ZNF675: variants seen among roughly 807,000 people sequenced by gnomAD.
ZNF675 encodes TRAF6 inhibitory zinc finger.
A neutral mutation model predicts 56.1 loss-of-function variants in ZNF675; 36 were observed. The ratio of observed to expected loss-of-function variants is 0.64; its 90% confidence interval spans 0.49 to 0.85. The LOEUF (loss-of-function observed/expected upper bound fraction) is 0.85. ZNF675 is among the 40% of genes least tolerant of loss of function. ZNF675 has a pLI of 0.00. For synonymous variants in ZNF675, 200 were observed against 218.9 expected (o/e 0.91, Z 0.76); for missense variants, 663 against 654.2 (o/e 1.01, Z -0.15).
At position 23,654,580 on chromosome 19, in the gene ZNF675, C is replaced by A; in HGVS notation, c.353G>T (p.Ser118Ile). ...NDNFQLKGCK[S>I]VDECKLHKGG... ...CTTGTGCAACTTACATTCATCCACACTTTTACAGCCTTTTAACTGAAAATT... is the reference window on the plus strand; with the variant it reads ...CTTGTGCAACTTACATTCATCCACAATTTTACAGCCTTTTAACTGAAAATT... The change falls in exon 4 of 4, where the codon AGT becomes ATT. Residue 118 changes from serine (S) to isoleucine (I), a missense_variant. Physicochemically the swap from Ser to Ile is moderately radical, Grantham distance 142. Transcript: ENST00000359788. 6.2e-7 allele frequency: 1 copy of A among 1,611,948 alleles called. No homozygotes were observed. The highest frequency in any genetic ancestry group is 8.5e-7 in the Non-Finnish European group (1 of 1,179,050).
At chr19:23,656,951 T>C (rs1290228111) in intron 3 of ZNF675, 1 of 152,188 alleles carries the variant, frequency 6.6e-6, no homozygotes, top group Non-Finnish European at 1.5e-5. Context: ...TACAGTTTTT[T>C]TGAGACAGGT....
rs377664902 is a variant in ZNF675 at position 23,683,991 on chromosome 19, G to A, written c.3+3040C>T. ...AAACTAAAGTCACTGACTGGGCGTG[G>A]TGGCTCACGCCTGTAATCCCAGCAC... On this transcript the variant is annotated intron_variant, in intron 1 of 3. Transcript: ENST00000359788. Among the ~76,000 whole-genome samples the A allele has an allele frequency of 7.4e-4, 112 of 152,240 alleles. 2 individuals carry two copies. Among genetic ancestry groups the A allele is most frequent in the East Asian group, 7.1e-3 (37 of 5,176 alleles).
At chr19:23,678,114 T>C (rs998575420) in intron 1 of ZNF675, among the ~76,000 whole-genome samples, 28 of 151,482 alleles carry the variant, frequency 1.8e-4, no homozygotes, top group Non-Finnish European at 1.3e-4. Context: ...AGAGTAAAAC[T>C]GTCTTGGGGG....
intron 1 of ZNF675, among the ~76,000 whole-genome samples, chr19:23,664,171 C>T (rs1968119312): frequency 6.6e-6 from 1 of 152,150 alleles, no homozygotes; most frequent in South Asian, 2.1e-4. Context: ...GCAGAGCGGA[C>T]ACAGCTCTTG....
chr19:23,678,923 T>C (rs1360860148), intron 1 of ZNF675, among the ~76,000 whole-genome samples: 1 of 151,510 alleles, frequency 6.6e-6, no homozygotes. Context: ...TCCCAGCACT[T>C]TGGAAGGCCG....
At chr19:23,668,190 T>C (rs865929601) in intron 1 of ZNF675, among the ~76,000 whole-genome samples, 9 of 150,946 alleles carry the variant, frequency 6.0e-5, no homozygotes, top group Middle Eastern at 3.4e-3. Context: ...AGATACAGAG[T>C]GCCGATTGGT....
intron 1 of ZNF675, among the ~76,000 whole-genome samples, chr19:23,667,786 G>A (rs970659231): frequency 1.9e-4 from 28 of 151,276 alleles, no homozygotes; most frequent in Non-Finnish European, 3.4e-4. Context: ...CCCTGAGCTA[G>A]ACATAAAGGT....
Position 23,652,959 on chromosome 19 carries a change from C to A in ZNF675, c.*267G>T, listed in dbSNP as rs1312459509. The A allele has an allele frequency of 7.1e-6, 2 of 281,724 alleles. No homozygotes were observed. The highest frequency in any genetic ancestry group is 1.3e-5 in the Non-Finnish European group (2 of 151,848). 17.5% of individuals were successfully genotyped at this position (281,724 alleles called of 1,614,324 possible). ...CAACATTCTGATATTAAGATGTCAA[C>A]AGATATTAATGGCTATTTTACACTC... On this transcript the variant is annotated 3_prime_UTR_variant, in exon 4 of 4. Coordinates refer to ENST00000359788, the MANE Select transcript of ZNF675 (RefSeq NM_138330.3).
chr19:23,658,885 A>ATC (rs1453498728), intron 3 of ZNF675, among the ~76,000 whole-genome samples: 75 of 48,426 alleles, frequency 1.5e-3, no homozygotes, highest in Non-Finnish European at 3.1e-3. Flanking sequence ...ATATCTATAG[A>ATC]TATAGATCTA....
chr19:23,663,500 C>T (rs573558890), intron 1 of ZNF675, among the ~76,000 whole-genome samples: 30 of 152,242 alleles, frequency 2.0e-4, no homozygotes, highest in African/African-American at 7.0e-4. Flanking sequence ...CAAGACCCAC[C>T]TGACCAACAT....
chr19:23,687,113 C>A lies in ZNF675; in HGVS notation c.-80G>T, dbSNP rs1317654437. ...AGGTCACAGGCCCACAGAGGCTGGACCTCTAGGAGCAGAGGACACAGAGCA... is the reference window on the plus strand; with the variant it reads ...AGGTCACAGGCCCACAGAGGCTGGAACTCTAGGAGCAGAGGACACAGAGCA... On this transcript the variant is annotated 5_prime_UTR_variant, in exon 1 of 4. Coordinates refer to ENST00000359788, the MANE Select transcript of ZNF675 (RefSeq NM_138330.3). 5 of 1,559,296 alleles carry A rather than the reference C, an allele frequency of 3.2e-6. No individual in the cohort carries two copies. The highest frequency in any genetic ancestry group is 3.5e-6 in the Non-Finnish European group (4 of 1,131,960).
At chr19:23,683,090 G>A (rs1330082371) in intron 1 of ZNF675, among the ~76,000 whole-genome samples, 1 of 151,328 alleles carries the variant, frequency 6.6e-6, no homozygotes, top group African/African-American at 2.4e-5. Context: ...TCGGGTGGCT[G>A]AGGCAGAAGA....
chr19:23,666,817 C>A (rs1968157704), intron 1 of ZNF675, among the ~76,000 whole-genome samples: 1 of 152,070 alleles, frequency 6.6e-6, no homozygotes, highest in African/African-American at 2.4e-5. Context: ...CCCCTCCCCC[C>A]AACCCAGGGC....
intron 1 of ZNF675, among the ~76,000 whole-genome samples, chr19:23,681,465 G>A (rs923815118): frequency 2.0e-5 from 3 of 151,626 alleles, no homozygotes; most frequent in Non-Finnish European, 4.4e-5. Context: ...ACAGGACAAC[G>A]AGCTTGTGTA....
At chr19:23,685,928 T>A (rs1431761722) in intron 1 of ZNF675, among the ~76,000 whole-genome samples, 3 of 152,060 alleles carry the variant, frequency 2.0e-5, no homozygotes, top group Non-Finnish European at 4.4e-5. Context: ...AGTGTGAAAA[T>A]AACTAAGTAG....
chr19:23,658,111 C>G (rs1165266607), intron 3 of ZNF675, among the ~76,000 whole-genome samples: 2 of 152,040 alleles, frequency 1.3e-5, no homozygotes. Flanking sequence ...TCTGTAATCC[C>G]AGCACATTAG....
rs1352945853 is a variant in ZNF675 at position 23,662,114 on chromosome 19, C to A, written c.226G>T (p.Val76Leu). The A allele has an allele frequency of 3.1e-6, 5 of 1,611,432 alleles. No homozygotes were observed. The highest frequency in any genetic ancestry group is 4.2e-6 in the Non-Finnish European group (5 of 1,177,908). The part of the protein sequence containing the change: ...KRHEMVNEPP[V>L]MCSHFAQEFW... ...TGTATTCACTTTCATTCTCACTTAC[C>A]TGGGGGTTCATTCACCATCTCATGT... The change falls in exon 3 of 4, where the codon GTA becomes TTA. Residue 76 changes from valine to leucine, a missense_variant and splice_region_variant. Physicochemically the swap from Val to Leu is conservative, Grantham distance 32. Transcript: ENST00000359788.
chr19:23,686,309 T>C (rs1968441290), intron 1 of ZNF675: 3 of 152,030 alleles, frequency 2.0e-5, no homozygotes, highest in Admixed American at 2.0e-4. Context: ...CCATAATTTA[T>C]TTATTTATTT....
chr19:23,671,954 G>A (rs1328745986), intron 1 of ZNF675, among the ~76,000 whole-genome samples: 1 of 152,094 alleles, frequency 6.6e-6, no homozygotes, highest in Non-Finnish European at 1.5e-5. Flanking sequence ...TGAGACAGAA[G>A]CAGAATTAAC....
Sources: gnomAD v4.1 joint callset for allele counts (sites outside exome capture counted in the v4.1 genomes callset) on GRCh38, gnomAD v4.1.1 for gene constraint, MANE v1.5 for transcripts, NCBI Gene and HGNC (gene_info 2026-07-23, HGNC 2026-07-21) for gene names.